Variants in SLC39A14 observed in about 807,000 individuals in gnomAD.
SLC39A14 encodes the protein solute carrier family 39 member 14, also known as metal cation symporter ZIP14.
In SLC39A14, 19 loss-of-function variants were observed where a neutral mutation model predicts 45.5. The ratio of observed to expected loss-of-function variants is 0.42; its 90% CI spans 0.29 to 0.61. SLC39A14 has a LOEUF of 0.61. Among genes scored for constraint, SLC39A14 ranks in the 20% least tolerant of loss-of-function variants. SLC39A14 has a pLI of 0.22. For synonymous variants in SLC39A14, 264 were observed against 251.3 expected, an observed-to-expected ratio of 1.05 and a Z score of -0.48; for missense variants, 447 against 616.5, an observed-to-expected ratio of 0.73 and a Z score of 2.91.
rs765879781 is a variant in SLC39A14, at chr8:22,416,290, C to T, written c.1147+10C>T. 1.4e-5 allele frequency: 23 copies of T among 1,611,066 alleles called. No individual in the cohort carries two copies. The highest frequency in any genetic ancestry group is 6.7e-5 in the Admixed American group (4 of 59,996). ...TTCCCACATGAGCTAGGTAAGCGTGCGTCCCCCGTTCCACTGGTGCTCCCT... is the reference window on the plus strand; with the variant it reads ...TTCCCACATGAGCTAGGTAAGCGTGTGTCCCCCGTTCCACTGGTGCTCCCT... On this transcript the variant is annotated intron_variant, in intron 7 of 8. Transcript: ENST00000381237.
intron 1 of SLC39A14, chr8:22,390,309 C>CT (rs56804582): frequency 0.12 from 17,733 of 144,034 alleles, 1,885 homozygotes; most frequent in African/African-American, 0.29. Flanking sequence ...CTAGAGCATA[C>CT]TTTTTTTTTT....
chr8:22,372,453 G>A (rs182116313), intron 1 of SLC39A14, among the ~76,000 whole-genome samples: 5 of 152,228 alleles, frequency 3.3e-5, no homozygotes, highest in African/African-American at 1.2e-4. Context: ...GCATAGTATG[G>A]AAGTATCATC....
downstream of SLC39A14, chr8:22,422,876 T>C (rs562122146): frequency 1.3e-4 from 28 of 211,904 alleles, 1 homozygote; most frequent in African/African-American, 6.6e-4. Flanking sequence ...CAGGCTGGAG[T>C]GCAGTGGTGC....
Position 22,422,113 on chromosome 8 carries a change from A to G in SLC39A14, c.*2415A>G. 1 of 985,462 alleles carries G rather than the reference A, an allele frequency of 1.0e-6. No homozygotes were observed. The highest frequency in any genetic ancestry group is 1.2e-6 in the Non-Finnish European group (1 of 829,944). 61.0% of individuals were successfully genotyped at this position (985,462 alleles called of 1,614,324 possible). ...TGAATTTGCTGTTTCAAGCATTTGT[A>G]CATATTAGAAGTCTAAGGAGTAGCA... is the stretch of plus-strand genomic sequence containing the variant. On this transcript the variant is annotated 3_prime_UTR_variant, in exon 9 of 9. Coordinates refer to ENST00000381237, the MANE Select transcript of SLC39A14 (RefSeq NM_001128431.4).
intron 8 of SLC39A14, among the ~76,000 whole-genome samples, chr8:22,431,955 AGAT>A (rs1277247303): frequency 6.6e-6 from 1 of 152,202 alleles, no homozygotes; most frequent in Non-Finnish European, 1.5e-5. Context: ...GAGTGGCTCT[AGAT>A]GTTTTGTTTG....
At chr8:22,430,991 C>CTT (rs869060206) in intron 8 of SLC39A14, among the ~76,000 whole-genome samples, 25 of 60,660 alleles carry the variant, frequency 4.1e-4, no homozygotes, top group African/African-American at 1.1e-3. Context: ...CCAATTCCCT[C>CTT]TTTTTTTTTT....
chr8:22,378,246 C>A (rs13258367), intron 1 of SLC39A14, among the ~76,000 whole-genome samples: 49,818 of 152,038 alleles, frequency 0.33, 8,373 homozygotes, highest in East Asian at 0.52. Flanking sequence ...TCTATCAGAG[C>A]AGGCAAGTGT....
intron 8 of SLC39A14, among the ~76,000 whole-genome samples, chr8:22,418,984 G>A (rs1036867373): frequency 1.3e-5 from 2 of 151,762 alleles, no homozygotes; most frequent in South Asian, 2.1e-4. Flanking sequence ...AGCTATGTTC[G>A]CACCACTGCA....
At chr8:22,405,404 T>C (rs1198136712) in intron 2 of SLC39A14, among the ~76,000 whole-genome samples, 3 of 152,128 alleles carry the variant, frequency 2.0e-5, no homozygotes, top group Non-Finnish European at 4.4e-5. Flanking sequence ...TCCCAGCCAC[T>C]TGGGAGGCTG....
At position 22,401,801 on chromosome 8, in the gene SLC39A14, G is replaced by A. The variant is rs547345241; in HGVS notation, c.-15-2895G>A. ...TCTGCTGGCCTTGGTCTCCCGAAGC[G>A]CTGGGATTACAGGCGTGAGCCACTG... On this transcript the variant is annotated intron_variant, in intron 1 of 8. Coordinates refer to ENST00000381237, the MANE Select transcript of SLC39A14 (RefSeq NM_001128431.4). 1.5e-4 allele frequency among the ~76,000 whole-genome samples: 23 copies of A among 152,064 alleles called. No homozygotes were observed. The South Asian group carries it at 3.5e-3, about 23-fold the overall frequency.
intron 1 of SLC39A14, among the ~76,000 whole-genome samples, chr8:22,381,817 TA>T (rs536351297): frequency 2.0e-5 from 3 of 151,586 alleles, no homozygotes; most frequent in Non-Finnish European, 4.4e-5. Context: ...AATAAACCAA[TA>T]AAAAAAACAA....
In SLC39A14 at chr8:22,375,390, G is replaced by GT. The variant is rs374421863; in HGVS notation, c.-16+7992dup. 1.7e-3 allele frequency among the ~76,000 whole-genome samples: 241 copies of GT among 145,302 alleles called. 2 individuals carry two copies. The highest frequency in any genetic ancestry group is 3.0e-3 in the Non-Finnish European group (195 of 65,802). On this transcript the variant is annotated intron_variant, in intron 1 of 8. Transcript: ENST00000381237. ...CATATTGGCATATTTCCTTACAGTT[G>GT]TTTTTTTTTTGGGGGGAGGGGATAC...
intron 8 of SLC39A14, among the ~76,000 whole-genome samples, chr8:22,431,379 G>T (rs759740656): frequency 1.1e-4 from 16 of 152,126 alleles, no homozygotes; most frequent in Non-Finnish European, 2.2e-4. Context: ...TTTTACTATG[G>T]TTTTTAAAAT....
chr8:22,406,583 T>G (rs1835227485), intron 2 of SLC39A14, among the ~76,000 whole-genome samples: 1 of 152,008 alleles, frequency 6.6e-6, no homozygotes, highest in Admixed American at 6.6e-5. Flanking sequence ...TCCCAGCTAC[T>G]TGGGAGGCTG....
chr8:22,377,982 T>A (rs1833305057), intron 1 of SLC39A14, among the ~76,000 whole-genome samples: 1 of 152,242 alleles, frequency 6.6e-6, no homozygotes, highest in Non-Finnish European at 1.5e-5. Flanking sequence ...ACAATACTCC[T>A]TTCCCGTTCC....
Position 22,404,694 on chromosome 8 carries a change from A to G in SLC39A14, c.-15-2A>G. The G allele has an allele frequency of 6.3e-7, 1 of 1,598,380 alleles. No individual in the cohort carries two copies. The highest frequency in any genetic ancestry group is 8.5e-7 in the Non-Finnish European group (1 of 1,175,012). On this transcript the variant is annotated splice_acceptor_variant, in intron 1 of 8. Transcript: ENST00000381237. LOFTEE classifies it low-confidence loss of function (5UTR_SPLICE). ...AGCTTCACCTGCCTTTTTCTCTCAC[A>G]GGTTTATTCAGTCACCATGAAGCTG...
chr8:22,417,793 G>T lies in SLC39A14; in HGVS notation c.1290G>T (p.Ala430=). ...GSHFSANWIF[A]LAGGMFLYIS... ...ACTTCTCTGCCAACTGGATTTTTGCGCTAGCTGGAGGAATGTTCTTGTATA... is the reference window on the plus strand; with the variant it reads ...ACTTCTCTGCCAACTGGATTTTTGCTCTAGCTGGAGGAATGTTCTTGTATA... Residue 430 remains alanine, a synonymous_variant, in exon 8 of 9, where the codon GCG becomes GCT. Coordinates refer to ENST00000381237, the MANE Select transcript of SLC39A14 (RefSeq NM_001128431.4). The T allele has an allele frequency of 6.2e-7, 1 of 1,614,158 alleles. No homozygotes were observed. Among genetic ancestry groups the T allele is most frequent in the Non-Finnish European group, 8.5e-7 (1 of 1,180,026 alleles).
intron 1 of SLC39A14, among the ~76,000 whole-genome samples, chr8:22,369,178 G>T (rs1457271131): frequency 6.6e-6 from 1 of 152,140 alleles, no homozygotes; most frequent in Non-Finnish European, 1.5e-5. Context: ...AGTGGAAGGG[G>T]GTCCTCTGGA....
At chr8:22,388,669 G>A (rs73670413) in intron 1 of SLC39A14, among the ~76,000 whole-genome samples, 24,983 of 151,906 alleles carry the variant, frequency 0.16, 2,213 homozygotes, top group African/African-American at 0.24. Flanking sequence ...AATCGTAGGG[G>A]GATGCTCTGG....
Sources: allele counts gnomAD v4.1 joint callset (sites outside exome capture counted in the v4.1 genomes callset), GRCh38; gene constraint gnomAD v4.1.1; transcripts MANE v1.5; gene names NCBI Gene and HGNC (gene_info 2026-07-23, HGNC 2026-07-21).